RPH3A: variants seen among roughly 807,000 people sequenced by gnomAD.
The protein encoded by RPH3A is rabphilin-3A.
A neutral mutation model predicts 102.2 loss-of-function variants in RPH3A; 48 were observed. The observed-to-expected ratio is 0.47, with a 90% CI of 0.37 to 0.60. The LOEUF (loss-of-function observed/expected upper bound fraction) is 0.60, where lower values mean the gene tolerates loss of function less well. Ranked by LOEUF, RPH3A falls within the 20% of genes least tolerant of loss-of-function variation. The probability of loss-of-function intolerance (pLI) is 0.00; values close to 1 mark genes in which losing one functional copy is unlikely to be tolerated. For synonymous variants in RPH3A, 310 were observed against 324.3 expected (o/e 0.96, Z 0.47); for missense variants, 781 against 910.1 (o/e 0.86, Z 1.83).
intron 1 of RPH3A, among the ~76,000 whole-genome samples, chr12:112,643,891 A>G (rs2039907984): frequency 6.6e-6 from 1 of 152,278 alleles, no homozygotes; most frequent in African/African-American, 2.4e-5. Flanking sequence ...CACTATTCAC[A>G]AAAGCTAAGT....
chr12:112,804,650 C>T lies in RPH3A; in HGVS notation c.-19+12387C>T, dbSNP rs189297728. Among the ~76,000 whole-genome samples, 51 of 152,312 alleles carry T rather than the reference C, an allele frequency of 3.3e-4. 1 individual carries two copies. Among genetic ancestry groups the T allele is most frequent in the Admixed American group, 2.7e-3 (41 of 15,306 alleles). ...GCTCCCTGGGCTCACGTCTCCACTT[C>T]GCCCCTTCCTAGCTGTGCAGACTTG... On this transcript the variant is annotated intron_variant, in intron 2 of 21. Coordinates refer to ENST00000389385, the MANE Select transcript of RPH3A (RefSeq NM_001143854.2).
intron 1 of RPH3A, among the ~76,000 whole-genome samples, chr12:112,583,105 T>C (rs2039412191): frequency 6.6e-6 from 1 of 152,192 alleles, no homozygotes; most frequent in South Asian, 2.1e-4. Context: ...AACTCTGACT[T>C]TCATGCTTTA....
rs73431617 is a variant in RPH3A, at chr12:112,589,681, C to T, written c.-140+14362C>T. 5.9e-3 allele frequency among the ~76,000 whole-genome samples: 892 copies of T among 152,304 alleles called. 11 individuals are homozygous for T. The highest frequency in any genetic ancestry group is 0.021 in the African/African-American group (854 of 41,554). ...CACTTTATAAATCCATTTGTTCATT[C>T]GTCTCTTGTCTGTCTCCCCTGCCCC... On this transcript the variant is annotated intron_variant, in intron 1 of 21. Coordinates refer to the RPH3A transcript ENST00000543106.
chr12:112,721,333 G>T (rs1455196551), intron 1 of RPH3A, among the ~76,000 whole-genome samples: 7 of 152,264 alleles, frequency 4.6e-5, no homozygotes, highest in Admixed American at 4.6e-4. Context: ...GCCTAGCTTA[G>T]GTCACAAGAA....
intron 1 of RPH3A, among the ~76,000 whole-genome samples, chr12:112,674,514 G>A (rs976407168): frequency 6.6e-6 from 1 of 152,126 alleles, no homozygotes; most frequent in African/African-American, 2.4e-5. Context: ...TGTTGGATTT[G>A]CAACAGCTCT....
At chr12:112,706,074 T>C (rs1190222751) in intron 1 of RPH3A, among the ~76,000 whole-genome samples, 3 of 152,184 alleles carry the variant, frequency 2.0e-5, no homozygotes, top group Non-Finnish European at 2.9e-5. Context: ...AAGACAAGTA[T>C]AGGATAAAAT....
intron 1 of RPH3A, among the ~76,000 whole-genome samples, chr12:112,728,960 C>T (rs2040614468): frequency 6.6e-6 from 1 of 152,106 alleles, no homozygotes; most frequent in Admixed American, 6.5e-5. Context: ...CTTTTTATGG[C>T]TTCTTCTGGT....
chr12:112,704,177 C>T (rs2040413438), intron 1 of RPH3A, among the ~76,000 whole-genome samples: 2 of 152,080 alleles, frequency 1.3e-5, no homozygotes, highest in African/African-American at 4.8e-5. Flanking sequence ...CAACCTCCAC[C>T]TCCCAGGTTC....
intron 1 of RPH3A, among the ~76,000 whole-genome samples, chr12:112,662,291 A>G (rs1359172670): frequency 6.6e-6 from 1 of 152,220 alleles, no homozygotes; most frequent in Non-Finnish European, 1.5e-5. Context: ...TCTCCAATTA[A>G]GTCTAACTCC....
intron 1 of RPH3A, among the ~76,000 whole-genome samples, chr12:112,601,706 C>G (rs974264875): frequency 6.6e-6 from 1 of 151,940 alleles, no homozygotes; most frequent in Non-Finnish European, 1.5e-5. Flanking sequence ...CCGAGGTGGG[C>G]GGATCACTTG....
At chr12:112,634,133 G>A (rs958160994) in intron 1 of RPH3A, among the ~76,000 whole-genome samples, 8 of 152,220 alleles carry the variant, frequency 5.3e-5, no homozygotes, top group Non-Finnish European at 1.0e-4. Context: ...TGGATCACAA[G>A]GTAAGGAGTT....
At chr12:112,838,254 C>G (rs1593065124) in intron 4 of RPH3A, among the ~76,000 whole-genome samples, 1 of 152,336 alleles carries the variant, frequency 6.6e-6, no homozygotes, top group South Asian at 2.1e-4. Context: ...CGGCATCTGC[C>G]AAGCCCAACT....
intron 1 of RPH3A, among the ~76,000 whole-genome samples, chr12:112,671,516 C>T (rs1253813399): frequency 6.6e-6 from 1 of 152,186 alleles, no homozygotes; most frequent in Non-Finnish European, 1.5e-5. Context: ...CACATCTCAT[C>T]AGTCAGAAAT....
chr12:112,720,538 A>G (rs2040543406), intron 1 of RPH3A, among the ~76,000 whole-genome samples: 1 of 152,184 alleles, frequency 6.6e-6, no homozygotes, highest in South Asian at 2.1e-4. Flanking sequence ...TCAGTTAGCT[A>G]TTGCTGTGTA....
intron 1 of RPH3A, among the ~76,000 whole-genome samples, chr12:112,662,837 T>G (rs1022802557): frequency 1.3e-5 from 2 of 151,672 alleles, no homozygotes; most frequent in Non-Finnish European, 2.9e-5. Context: ...TGCTTTACAG[T>G]CCTGTTAATC....
At chr12:112,764,382 G>T (rs112161162) in intron 1 of RPH3A, among the ~76,000 whole-genome samples, 3 of 152,312 alleles carry the variant, frequency 2.0e-5, no homozygotes, top group African/African-American at 7.2e-5. Flanking sequence ...GTCTTGTTAT[G>T]TAGCTAAAAC....
chr12:112,716,823 C>T (rs2040516545), intron 1 of RPH3A, among the ~76,000 whole-genome samples: 1 of 152,146 alleles, frequency 6.6e-6, no homozygotes, highest in South Asian at 2.1e-4. Context: ...ATTATTTTTT[C>T]CTGTGCTAAG....
chr12:112,747,178 A>G (rs2040754175), intron 1 of RPH3A, among the ~76,000 whole-genome samples: 1 of 151,978 alleles, frequency 6.6e-6, no homozygotes, highest in South Asian at 2.1e-4. Flanking sequence ...CCAAATTCCT[A>G]TGTTGAAATT....
At chr12:112,714,258 A>C (rs2040499644) in intron 1 of RPH3A, among the ~76,000 whole-genome samples, 1 of 152,162 alleles carries the variant, frequency 6.6e-6, no homozygotes, top group Non-Finnish European at 1.5e-5. Context: ...TAGTCACAGC[A>C]GTGCATCTTG....
Sources: gnomAD v4.1 joint callset for allele counts (sites outside exome capture counted in the v4.1 genomes callset) on GRCh38, gnomAD v4.1.1 for gene constraint, MANE v1.5 for transcripts, NCBI Gene and HGNC (gene_info 2026-07-23, HGNC 2026-07-21) for gene names.